Variants in EHBP1 observed in about 807,000 individuals in gnomAD.
The protein encoded by EHBP1 is EH domain-binding protein 1.
In EHBP1, 55 loss-of-function variants were observed where a neutral mutation model predicts 144.0. The ratio of observed to expected loss-of-function variants is 0.38; its 90% CI spans 0.31 to 0.48. EHBP1 has a LOEUF of 0.48. Ranked by LOEUF, EHBP1 falls within the 20% of genes least tolerant of loss-of-function variation. The pLI, the probability that EHBP1 is intolerant of heterozygous loss-of-function variation, is 0.98. For missense variants in EHBP1, 1,200 were observed against 1,364.2 expected, an observed-to-expected ratio of 0.88 and a Z score of 1.90; for synonymous variants, 469 against 472.7, an observed-to-expected ratio of 0.99 and a Z score of 0.10.
chr2:62,732,522 G>A (rs371178918), intron 2 of EHBP1, among the ~76,000 whole-genome samples: 10 of 152,200 alleles, frequency 6.6e-5, no homozygotes, highest in Middle Eastern at 3.4e-3. Flanking sequence ...TGCTGTTCTC[G>A]TGATAAGAGT....
chr2:62,974,219 T>A (rs550119468), intron 14 of EHBP1, among the ~76,000 whole-genome samples: 69 of 152,210 alleles, frequency 4.5e-4, no homozygotes, highest in African/African-American at 1.7e-3. Context: ...TACCATCACA[T>A]TGCTTTGCTT....
At chr2:62,898,459 T>G (rs1303554076) in intron 10 of EHBP1, among the ~76,000 whole-genome samples, 1 of 152,154 alleles carries the variant, frequency 6.6e-6, no homozygotes, top group East Asian at 1.9e-4. Context: ...AAATAAAAAT[T>G]TTAAACTTGG....
At chr2:62,842,140 G>A (rs1184290816) in intron 7 of EHBP1, among the ~76,000 whole-genome samples, 1 of 151,976 alleles carries the variant, frequency 6.6e-6, no homozygotes, top group Admixed American at 6.6e-5. Context: ...AGGCTGGAGT[G>A]CAGTGACACA....
intron 2 of EHBP1, among the ~76,000 whole-genome samples, chr2:62,710,226 T>G (rs968247559): frequency 2.0e-5 from 3 of 152,246 alleles, no homozygotes; most frequent in Admixed American, 2.0e-4. Context: ...GTATGAAAGT[T>G]GGCAAGTTGG....
intron 19 of EHBP1, among the ~76,000 whole-genome samples, chr2:63,017,060 C>G (rs1415509149): frequency 6.6e-6 from 1 of 152,232 alleles, no homozygotes; most frequent in Non-Finnish European, 1.5e-5. Context: ...TAACTGCTTA[C>G]TAACTCATCT....
rs557943592 is a variant in EHBP1 at position 62,745,421 on chromosome 2, A to C, written c.105-1974A>C. 2.0e-4 allele frequency among the ~76,000 whole-genome samples: 31 copies of C among 152,156 alleles called. No individual in the cohort carries two copies. In the South Asian group the frequency reaches 2.5e-3, roughly 12 times the overall value. Reference sequence around the variant, plus strand: ...AGGGGATGGGGCAGGAGATGACATGAGAAATGGTCAGGGTTACACAGAGAA... The same window carrying C: ...AGGGGATGGGGCAGGAGATGACATGCGAAATGGTCAGGGTTACACAGAGAA... On this transcript the variant is annotated intron_variant, in intron 2 of 22. Coordinates refer to ENST00000431489, the MANE Select transcript of EHBP1 (RefSeq NM_001142616.3).
intron 1 of EHBP1, among the ~76,000 whole-genome samples, chr2:62,697,276 C>A (rs2034133196): frequency 6.6e-6 from 1 of 152,136 alleles, no homozygotes; most frequent in South Asian, 2.1e-4. Flanking sequence ...GTAAATACTA[C>A]AATTCAAATT....
intron 10 of EHBP1, among the ~76,000 whole-genome samples, chr2:62,913,798 T>C (rs1228322683): frequency 2.0e-5 from 3 of 152,230 alleles, no homozygotes; most frequent in African/African-American, 7.2e-5. Context: ...TTTATGCCTC[T>C]TCTTTTCATG....
At position 62,948,599 on chromosome 2, in the gene EHBP1, G is replaced by C; in HGVS notation, c.1753G>C (p.Gly585Arg). The change falls in exon 13 of 23, where the codon GGG becomes CGG. Residue 585 changes from glycine to arginine, a missense_variant. Coordinates refer to ENST00000431489, the MANE Select transcript of EHBP1 (RefSeq NM_001142616.3). ...TGACTCTGTATTTGTAAATGATAGC[G>C]GGGTTGGAGAGTCAGAAAGTGAGCA... ...QDDSVFVNDS[G>R]VGESESEHQT... 1 of 1,613,932 alleles carries C rather than the reference G, an allele frequency of 6.2e-7. No individual in the cohort carries two copies. Among genetic ancestry groups the C allele is most frequent in the Non-Finnish European group, 8.5e-7 (1 of 1,179,968 alleles).
chr2:63,031,545 G>A (rs930689002), intron 19 of EHBP1, among the ~76,000 whole-genome samples: 27 of 152,038 alleles, frequency 1.8e-4, no homozygotes, highest in African/African-American at 5.3e-4. Flanking sequence ...ATAGTCATGC[G>A]TTACCTGAAA....
In EHBP1 at chr2:62,842,779, C is replaced by T. The variant is rs990371083; in HGVS notation, c.634+11621C>T. Among the ~76,000 whole-genome samples, 7 of 152,028 alleles carry T rather than the reference C, an allele frequency of 4.6e-5. No individual in the cohort carries two copies. The East Asian group carries it at 5.8e-4, about 13-fold the overall frequency. On this transcript the variant is annotated intron_variant, in intron 7 of 22. Coordinates refer to ENST00000431489, the MANE Select transcript of EHBP1 (RefSeq NM_001142616.3). ...ATTAAAACTAAATCTCAATTAGATA[C>T]GGGTACTTTTAAGTAGGAATTTTTA...
At chr2:62,997,430 G>A (rs930359216) in intron 19 of EHBP1, among the ~76,000 whole-genome samples, 20 of 14,620 alleles carry the variant, frequency 1.4e-3, no homozygotes, top group African/African-American at 5.4e-3. Flanking sequence ...AGGAACTCAT[G>A]TGTGTGTGTG....
chr2:62,753,832 T>A (rs1280416230), intron 3 of EHBP1, among the ~76,000 whole-genome samples: 1 of 152,230 alleles, frequency 6.6e-6, no homozygotes, highest in Non-Finnish European at 1.5e-5. Flanking sequence ...ATGCCATGGT[T>A]TTCAGCTCCA....
At chr2:62,768,965 C>T (rs979098875) in intron 4 of EHBP1, among the ~76,000 whole-genome samples, 1 of 152,152 alleles carries the variant, frequency 6.6e-6, no homozygotes, top group African/African-American at 2.4e-5. Flanking sequence ...AATTCAACAT[C>T]CCTTTGTGTT....
intron 5 of EHBP1, among the ~76,000 whole-genome samples, chr2:62,813,919 A>G (rs923047739): frequency 1.3e-5 from 2 of 152,210 alleles, no homozygotes; most frequent in African/African-American, 4.8e-5. Flanking sequence ...AATTTGCCTT[A>G]TAGTGAATCA....
At chr2:62,969,475 T>C (rs2058395714) in intron 14 of EHBP1, among the ~76,000 whole-genome samples, 1 of 152,200 alleles carries the variant, frequency 6.6e-6, no homozygotes, top group Admixed American at 6.5e-5. Flanking sequence ...ATATTCATTT[T>C]CATGAATTAA....
chr2:62,991,074 T>G (rs1375124759), intron 16 of EHBP1, among the ~76,000 whole-genome samples: 1 of 151,774 alleles, frequency 6.6e-6, no homozygotes, highest in African/African-American at 2.4e-5. Flanking sequence ...ATATTGAGAC[T>G]TTGCTACTAA....
chr2:62,715,130 T>C (rs1558536742), intron 2 of EHBP1, among the ~76,000 whole-genome samples: 1 of 152,214 alleles, frequency 6.6e-6, no homozygotes, highest in Non-Finnish European at 1.5e-5. Flanking sequence ...CTTTTTTTCT[T>C]TTGAGACAGA....
At chr2:62,897,185 T>A (rs1002235815) in intron 10 of EHBP1, among the ~76,000 whole-genome samples, 1 of 152,186 alleles carries the variant, frequency 6.6e-6, no homozygotes, top group African/African-American at 2.4e-5. Context: ...TTATTCCCTT[T>A]CTTGCCCCAA....
Sources: gnomAD v4.1 joint callset for allele counts (sites outside exome capture counted in the v4.1 genomes callset) on GRCh38, gnomAD v4.1.1 for gene constraint, MANE v1.5 for transcripts, NCBI Gene and HGNC (gene_info 2026-07-23, HGNC 2026-07-21) for gene names.